Variants in ORC3 observed in about 807,000 individuals in gnomAD.
The protein encoded by ORC3 is origin recognition complex subunit 3.
ORC3 carries 78 observed loss-of-function variants against 100.7 expected under a neutral mutation model. The ratio of observed to expected loss-of-function variants is 0.77; its 90% CI spans 0.65 to 0.94. The LOEUF (loss-of-function observed/expected upper bound fraction) is 0.94, where lower values mean the gene tolerates loss of function less well. ORC3 is among the 40% of genes least tolerant of loss of function. ORC3 has a pLI of 0.00. For synonymous variants in ORC3, 295 were observed against 289.3 expected (o/e 1.02, Z -0.20); for missense variants, 789 against 823.9 (o/e 0.96, Z 0.52).
intron 3 of ORC3, among the ~76,000 whole-genome samples, chr6:87,602,916 A>ATATAT (rs1562322437): frequency 1.3e-4 from 14 of 109,302 alleles, no homozygotes; most frequent in South Asian, 7.7e-4. Context: ...TATATATTAT[A>ATATAT]TATATATATA....
intron 16 of ORC3, among the ~76,000 whole-genome samples, chr6:87,660,271 G>A (rs1242890333): frequency 6.6e-6 from 1 of 152,154 alleles, no homozygotes; most frequent in Non-Finnish European, 1.5e-5. Context: ...TTCCATACTA[G>A]GATTTAGTGT....
chr6:87,619,118 G>C (rs1434614358), intron 9 of ORC3, among the ~76,000 whole-genome samples: 2 of 152,144 alleles, frequency 1.3e-5, no homozygotes, highest in Non-Finnish European at 2.9e-5. Context: ...AAGACAAACT[G>C]ACCTGTAAAA....
chr6:87,675,030 A>G, the ORC3 span: 1 of 151,594 alleles, frequency 6.6e-6, no homozygotes, highest in African/African-American at 2.4e-5. Context: ...ATTTGTTAAA[A>G]AGACTGATAG....
intron 15 of ORC3, 41 bp from the exon 16 acceptor site, chr6:87,657,880 G>A (rs548014934): frequency 6.2e-6 from 7 of 1,133,422 alleles, no homozygotes; most frequent in African/African-American, 4.6e-5. Context: ...GGGGTTTTCT[G>A]TCTGAGGATC....
downstream of ORC3, among the ~76,000 whole-genome samples, chr6:87,671,732 G>A (rs1770837218): frequency 6.6e-6 from 1 of 152,124 alleles, no homozygotes; most frequent in African/African-American, 2.4e-5. Flanking sequence ...GTCAAATGCT[G>A]GCTGCTGATT....
intron 19 of ORC3, among the ~76,000 whole-genome samples, chr6:87,666,546 C>T (rs1770652066): frequency 1.3e-5 from 2 of 149,054 alleles, no homozygotes; most frequent in South Asian, 4.2e-4. Flanking sequence ...TCAAGCGATT[C>T]TCCTGCCTCA....
chr6:87,645,741 A>T (rs2128284991), intron 13 of ORC3, among the ~76,000 whole-genome samples: 1 of 151,890 alleles, frequency 6.6e-6, no homozygotes, highest in East Asian at 1.9e-4. Flanking sequence ...ACCAGAAATT[A>T]TTGGCTTTCT....
Position 87,610,201 on chromosome 6 carries a change from AT to A in ORC3, c.713+973del, listed in dbSNP as rs576230623. On this transcript the variant is annotated intron_variant, in intron 7 of 19. Coordinates refer to ENST00000392844, the MANE Select transcript of ORC3 (RefSeq NM_012381.4). ...ATATTGTGTTAAATAATTTACTAGT[AT>A]ACTTTATTTTTATTTTTATTTTTGG... Among the ~76,000 whole-genome samples the A allele has an allele frequency of 2.7e-3, 408 of 152,094 alleles. 2 individuals are homozygous for A. Among genetic ancestry groups the A allele is most frequent in the African/African-American group, 9.5e-3 (393 of 41,494 alleles).
chr6:87,600,255 C>A (rs996870894), intron 2 of ORC3, among the ~76,000 whole-genome samples: 2 of 151,766 alleles, frequency 1.3e-5, no homozygotes, highest in African/African-American at 4.8e-5. Context: ...CCAGTTGTTA[C>A]AATAAAATAC....
rs376650812 is a variant in ORC3 at position 87,634,846 on chromosome 6, A to G, written c.1187A>G (p.Glu396Gly). The G allele has an allele frequency of 6.4e-6, 9 of 1,396,678 alleles. No homozygotes were observed. In the Admixed American group the frequency reaches 1.0e-4, roughly 16 times the overall value. The allele number at this position is 1,396,678 out of a possible 1,614,324, so 86.5% of individuals were successfully genotyped here. A position where few individuals can be genotyped will look rare whatever the true frequency, so the allele number is the denominator to read the frequency against. The change falls in exon 12 of 20, where the codon GAG becomes GGG. Residue 396 changes from glutamate to glycine, a missense_variant and splice_region_variant. Physicochemically the swap from Glu to Gly is moderately conservative, Grantham distance 98 (BLOSUM62 -2). This residue lies in a region of ORC3 where 366 missense variants were observed against 394.2 expected (regional missense o/e 0.93). Transcript: ENST00000392844. ...AATAATATATTCTGTGATTTTTAGG[A>G]GGAAACACAATTATTACTAGAAAAC... ...ALLTNERYLK[E>G]ETQLLLENLH...
At position 87,644,088 on chromosome 6, in the gene ORC3, T is replaced by C. The variant is rs1006953399; in HGVS notation, c.1382+7602T>C. Among the ~76,000 whole-genome samples, 113 of 73,218 alleles carry C rather than the reference T, an allele frequency of 1.5e-3. 4 individuals carry two copies. The highest frequency in any genetic ancestry group is 5.7e-3 in the African/African-American group (109 of 19,214). The allele number at this position is 73,218 out of a possible 152,430, so 48.0% of individuals were successfully genotyped here. On this transcript the variant is annotated intron_variant, in intron 13 of 19. Transcript: ENST00000392844. ...CAGATGGCTGACTGTCCTTTTTTTT[T>C]TTTTTTTTTTTTTTTTTTTTTTGAG...
intron 2 of ORC3, 179 bp downstream of exon 2, chr6:87,594,586 A>G: frequency 8.0e-7 from 1 of 1,256,964 alleles, no homozygotes; most frequent in Non-Finnish European, 1.0e-6. Flanking sequence ...CTCTAATTGA[A>G]AAGAGAATCC....
chr6:87,672,216 A>G (rs1770849142), downstream of ORC3, among the ~76,000 whole-genome samples: 1 of 152,008 alleles, frequency 6.6e-6, no homozygotes, highest in Non-Finnish European at 1.5e-5. Flanking sequence ...CAAGTTGGTG[A>G]AAAAAAAGGA....
chr6:87,590,763 A>G (rs1776786312), intron 1 of ORC3, among the ~76,000 whole-genome samples: 2 of 152,204 alleles, frequency 1.3e-5, no homozygotes, highest in Non-Finnish European at 2.9e-5. Flanking sequence ...GGCAGAGAGA[A>G]CAGCATGTTT....
At chr6:87,673,479 G>A in the ORC3 span, among the ~76,000 whole-genome samples, 1 of 152,086 alleles carries the variant, frequency 6.6e-6, no homozygotes, top group Non-Finnish European at 1.5e-5. Flanking sequence ...TAGCCACCAC[G>A]ACAAAGAATG....
chr6:87,655,351 G>A, intron 14 of ORC3, among the ~76,000 whole-genome samples: 1 of 134,478 alleles, frequency 7.4e-6, no homozygotes, highest in African/African-American at 2.7e-5. Flanking sequence ...ACATCCAGCT[G>A]AATTTTTTTT....
rs770782343 is a variant in ORC3, at chr6:87,597,137, A to G, written c.79+2730A>G. Among the ~76,000 whole-genome samples, 21 of 152,214 alleles carry G rather than the reference A, an allele frequency of 1.4e-4. 1 individual carries two copies. Among genetic ancestry groups the G allele is most frequent in the Non-Finnish European group, 1.6e-4 (11 of 68,036 alleles). On this transcript the variant is annotated intron_variant, in intron 2 of 19. Transcript: ENST00000392844. The stretch of plus-strand genomic sequence containing the variant: ...AATATATACCTGTATATAATGAGAT[A>G]ATCTTGGGAATGAGACCCAAGTCTA...
chr6:87,602,025 A>C (rs932959895), intron 3 of ORC3, 144 bp downstream of exon 3: 1 of 592,032 alleles, frequency 1.7e-6, no homozygotes. Context: ...TTAAAAAAAC[A>C]ACCATAATCC....
At position 87,615,967 on chromosome 6, in the gene ORC3, G is replaced by A. The variant is rs181028373; in HGVS notation, c.874-347G>A. On this transcript the variant is annotated intron_variant, in intron 8 of 19. Coordinates refer to ENST00000392844, the MANE Select transcript of ORC3 (RefSeq NM_012381.4). The stretch of plus-strand genomic sequence containing the variant: ...GTAGTAATGAAAAAAATCTCATCTG[G>A]TAATAAGAATTGCCAAAGCCTGCAG... Among the ~76,000 whole-genome samples, 379 of 151,630 alleles carry A rather than the reference G, an allele frequency of 2.5e-3. 2 individuals are homozygous for A. The highest frequency in any genetic ancestry group is 8.8e-3 in the African/African-American group (366 of 41,368).
Sources: gnomAD v4.1 joint callset for allele counts (sites outside exome capture counted in the v4.1 genomes callset) on GRCh38, gnomAD v4.1.1 for gene constraint, gnomAD v4.1.1 regional missense constraint, MANE v1.5 for transcripts, NCBI Gene and HGNC (gene_info 2026-07-23, HGNC 2026-07-21) for gene names.